COL6A6: variants seen among roughly 807,000 people sequenced by gnomAD.
COL6A6 encodes the protein collagen alpha-6(VI) chain.
A neutral mutation model predicts 208.6 loss-of-function variants in COL6A6; 183 were observed. That is an observed-to-expected ratio of 0.88 (90% CI 0.78 to 0.99). COL6A6 has a LOEUF of 0.99. Ranked by LOEUF, COL6A6 falls within the 50% of genes least tolerant of loss-of-function variation. The pLI is 0.00. For synonymous variants in COL6A6, 973 were observed against 1,011.8 expected, an observed-to-expected ratio of 0.96 and a Z score of 0.73; for missense variants, 2,816 against 2,815.2, an observed-to-expected ratio of 1.00 and a Z score of -0.01.
chr3:130,585,682 G>T (rs1218480066), intron 10 of COL6A6, among the ~76,000 whole-genome samples: 1 of 152,214 alleles, frequency 6.6e-6, no homozygotes, highest in Non-Finnish European at 1.5e-5. Context: ...CTGGATGATT[G>T]TGTGTCATCT....
chr3:130,589,504 T>C (rs574262706), intron 12 of COL6A6, among the ~76,000 whole-genome samples: 46 of 152,320 alleles, frequency 3.0e-4, no homozygotes, highest in African/African-American at 1.1e-3. Context: ...GCCTCCTCCA[T>C]GTGAATAACG....
chr3:130,608,822 A>C lies in COL6A6; in HGVS notation c.4690-80A>C, dbSNP rs1173094605. 9.0e-6 allele frequency: 8 copies of C among 884,136 alleles called. No individual in the cohort carries two copies. In the East Asian group the frequency reaches 2.5e-4, roughly 27 times the overall value. The allele number at this position is 884,136 out of a possible 1,614,324, so 54.8% of individuals were successfully genotyped here. ...ATCCTGCATTGACATTGTGACTGAA[A>C]AAATATTTGTAAGCTTGCAGGTAAA... On this transcript the variant is annotated intron_variant, in intron 21 of 36. Transcript: ENST00000358511.
chr3:130,520,732 T>C (rs191304117), intron 1 of COL6A6, among the ~76,000 whole-genome samples: 3 of 152,242 alleles, frequency 2.0e-5, no homozygotes, highest in Non-Finnish European at 2.9e-5. Context: ...ACGTGAAAAA[T>C]CTCGGGACAA....
intron 10 of COL6A6, 129 bp downstream of exon 10, chr3:130,582,197 T>C: frequency 1.6e-6 from 1 of 633,848 alleles, no homozygotes; most frequent in Non-Finnish European, 2.7e-6. Flanking sequence ...CCGTATTCTG[T>C]ATGTACTAGG....
chr3:130,647,577 A>G lies in COL6A6; in HGVS notation c.5240-1492A>G, dbSNP rs187678945. ...TGAACAGTTTGATTTGGGTTTGAAC[A>G]TTTATTCTCACTGGTACTTCTTTTG... is the stretch of plus-strand genomic sequence containing the variant. On this transcript the variant is annotated intron_variant, in intron 32 of 36. Transcript: ENST00000358511. 5.9e-5 allele frequency among the ~76,000 whole-genome samples: 9 copies of G among 152,290 alleles called. No individual in the cohort carries two copies. In the East Asian group the frequency reaches 1.7e-3, roughly 29 times the overall value.
At chr3:130,616,240 A>G (rs2064516928) in intron 23 of COL6A6, among the ~76,000 whole-genome samples, 1 of 152,102 alleles carries the variant, frequency 6.6e-6, no homozygotes, top group South Asian at 2.1e-4. Context: ...TACAGCACAC[A>G]AGGACCAGCC....
intron 16 of COL6A6, 36 bp from the exon 17 acceptor site, chr3:130,593,163 G>T: frequency 6.2e-7 from 1 of 1,611,870 alleles, no homozygotes. Flanking sequence ...ATGAAAACGA[G>T]AATTCTATTA....
chr3:130,542,249 T>C (rs1289755509), intron 1 of COL6A6, among the ~76,000 whole-genome samples: 2 of 152,172 alleles, frequency 1.3e-5, no homozygotes, highest in East Asian at 3.8e-4. Context: ...TATTTTCATT[T>C]TATTCATCTT....
intron 3 of COL6A6, 64 bp from the exon 4 acceptor site, chr3:130,564,930 T>C: frequency 1.3e-6 from 2 of 1,567,374 alleles, no homozygotes; most frequent in Middle Eastern, 1.7e-4. Context: ...TCATGCCTTC[T>C]AATGCTCACC....
At chr3:130,550,652 A>T (rs1271847451) in intron 1 of COL6A6, among the ~76,000 whole-genome samples, 1 of 152,194 alleles carries the variant, frequency 6.6e-6, no homozygotes, top group Non-Finnish European at 1.5e-5. Flanking sequence ...AACCCATTAG[A>T]TCTTGTGAGA....
At chr3:130,592,454 TTTTG>T in intron 13 of COL6A6, 83 bp from the exon 14 acceptor site, 1 of 1,020,476 alleles carries the variant, frequency 9.8e-7, no homozygotes, top group South Asian at 1.5e-5. Flanking sequence ...TTCACACTTT[TTTTG>T]GTAACAAAAA....
chr3:130,673,350 T>C (rs1447557879), intron 36 of COL6A6, among the ~76,000 whole-genome samples: 1 of 151,808 alleles, frequency 6.6e-6, no homozygotes, highest in Non-Finnish European at 1.5e-5. Context: ...TATAGCAATA[T>C]CATGCTATAT....
chr3:130,671,417 CT>C (rs2066212709), intron 36 of COL6A6, among the ~76,000 whole-genome samples: 1 of 152,218 alleles, frequency 6.6e-6, no homozygotes, highest in Non-Finnish European at 1.5e-5. Context: ...TGCTCAGCTT[CT>C]CCTATGTATT....
In COL6A6 at chr3:130,563,558, C is replaced by T; in HGVS notation, c.555C>T (p.Asn185=). 6.2e-7 allele frequency: 1 copy of T among 1,613,980 alleles called. No homozygotes were observed. Among genetic ancestry groups the T allele is most frequent in the South Asian group, 1.1e-5 (1 of 91,086 alleles). Residue 185 remains asparagine (N), a synonymous_variant, in exon 3 of 37, where the codon AAC becomes AAT. Transcript: ENST00000358511. ...TGGCCACGTCTCAGTTTCATTTCAA[C>T]CTTCGGACAGTCAGAGACCTCAGCA... ...KAMATSQFHF[N]LRTVRDLSMF... is the part of the protein sequence containing the mutation.
chr3:130,570,827 G>A lies in COL6A6; in HGVS notation c.2411G>A (p.Arg804Gln), dbSNP rs771370723. ...TCTCTTCCTCTTTCAGAATGCAAGC[G>A]GATTGAAGTTTTAGACGTTGTGTTT... Reference protein sequence around the residue: ...GICSPREECKRIEVLDVVFVI... With the variant: ...GICSPREECKQIEVLDVVFVI... The change falls in exon 7 of 37, where the codon CGG (arginine) becomes CAG (glutamine). Residue 804 changes from arginine (R) to glutamine (Q), a missense_variant. By Grantham distance (43) the Arg-to-Gln change is conservative. Transcript: ENST00000358511. 8.7e-6 allele frequency: 14 copies of A among 1,609,556 alleles called. No homozygotes were observed. Among genetic ancestry groups the A allele is most frequent in the Admixed American group, 5.0e-5 (3 of 59,830 alleles).
intron 33 of COL6A6, among the ~76,000 whole-genome samples, chr3:130,652,107 A>G (rs72996274): frequency 0.021 from 3,139 of 152,318 alleles, 112 homozygotes; most frequent in African/African-American, 0.07. Flanking sequence ...TTCCTAATTT[A>G]TGATGTGTGG....
Position 130,606,932 on chromosome 3 carries a change from C to T in COL6A6, c.4655C>T (p.Ala1552Val), listed in dbSNP as rs766457438. ...PGTPGSRRKT[A>V]AHGRRGHTGP... ...TATCCACCTTTTCTTCTATTTTAGGCAGCTCATGGCAGAAGGGGACATACA... is the reference window on the plus strand; with the variant it reads ...TATCCACCTTTTCTTCTATTTTAGGTAGCTCATGGCAGAAGGGGACATACA... Residue 1552 changes from alanine to valine, a missense_variant and splice_region_variant, in exon 21 of 37, where the codon GCA becomes GTA. Physicochemically the swap from Ala to Val is moderately conservative, Grantham distance 64. Coordinates refer to ENST00000358511, the MANE Select transcript of COL6A6 (RefSeq NM_001102608.3). 1.2e-6 allele frequency: 2 copies of T among 1,607,066 alleles called. No individual in the cohort carries two copies. Among genetic ancestry groups the T allele is most frequent in the South Asian group, 2.2e-5 (2 of 89,652 alleles).
At position 130,658,919 on chromosome 3, in the gene COL6A6, C is replaced by G; in HGVS notation, c.5830+147C>G. On this transcript the variant is annotated intron_variant, in intron 34 of 36. Transcript: ENST00000358511. ...GTTCTGGGCCCACCCTGTCACACTT[C>G]ATCTTCCACAGATGAATCCTCTCAG... The G allele has an allele frequency of 4.9e-6, 3 of 617,234 alleles. No individual in the cohort carries two copies. In the South Asian group the frequency reaches 5.7e-5, roughly 12 times the overall value. The allele number at this position is 617,234 out of a possible 1,614,324, so 38.2% of individuals were successfully genotyped here. A position where few individuals can be genotyped will look rare whatever the true frequency, so the allele number is the denominator to read the frequency against.
chr3:130,552,362 T>C (rs2062662510), intron 1 of COL6A6, among the ~76,000 whole-genome samples: 1 of 152,352 alleles, frequency 6.6e-6, no homozygotes, highest in African/African-American at 2.4e-5. Context: ...GATGTTCTTG[T>C]TGATGTGAGC....
Sources: gnomAD v4.1 joint callset for allele counts (sites outside exome capture counted in the v4.1 genomes callset) on GRCh38, gnomAD v4.1.1 for gene constraint, MANE v1.5 for transcripts, NCBI Gene and HGNC (gene_info 2026-07-23, HGNC 2026-07-21) for gene names.